Variants in GRIA1 observed in about 807,000 individuals in gnomAD.
GRIA1 encodes glutamate receptor 1.
A neutral mutation model predicts 99.2 loss-of-function variants in GRIA1; 31 were observed. The observed-to-expected ratio is 0.31, with a 90% CI of 0.23 to 0.42. The LOEUF is 0.42. Ranked by LOEUF, GRIA1 falls within the 10% of genes least tolerant of loss-of-function variation. The pLI is 1.00. For synonymous variants in GRIA1, 438 were observed against 432.4 expected (o/e 1.01, Z -0.16); for missense variants, 782 against 1,157.5 (o/e 0.68, Z 4.71).
rs759211687 is a variant in GRIA1 at position 153,698,847 on chromosome 5, T to G, written c.1246-20T>G. The G allele has an allele frequency of 4.6e-6, 7 of 1,534,970 alleles. No individual in the cohort carries two copies. The highest frequency in any genetic ancestry group is 6.3e-6 in the Non-Finnish European group (7 of 1,107,816). ...TGAACCCATAACCCACATTCTGCTATCTCCCCATTTCTCTTCCAGGAAGAT... is the reference window on the plus strand; with the variant it reads ...TGAACCCATAACCCACATTCTGCTAGCTCCCCATTTCTCTTCCAGGAAGAT... On this transcript the variant is annotated intron_variant, in intron 9 of 15. Coordinates refer to ENST00000285900, the MANE Select transcript of GRIA1 (RefSeq NM_000827.4).
chr5:153,703,250 A>G (rs992451771), intron 10 of GRIA1, among the ~76,000 whole-genome samples: 2 of 152,192 alleles, frequency 1.3e-5, no homozygotes, highest in Admixed American at 1.3e-4. Flanking sequence ...TGAATGACCC[A>G]TGGCCAAATA....
intron 5 of GRIA1, among the ~76,000 whole-genome samples, chr5:153,656,383 T>TTATATATATATATATATATATATATA (rs60245651): frequency 1.3e-3 from 117 of 92,480 alleles, no homozygotes; most frequent in Middle Eastern, 5.4e-3. Flanking sequence ...ATAAGTTTGT[T>TTATATATATATATATATATATATATA]TATATATATA....
Position 153,564,697 on chromosome 5 carries a change from C to T in GRIA1, c.220+70632C>T, listed in dbSNP as rs570407192. 3.3e-5 allele frequency among the ~76,000 whole-genome samples: 5 copies of T among 152,108 alleles called. No homozygotes were observed. The South Asian group carries it at 1.0e-3, about 32-fold the overall frequency. The stretch of plus-strand genomic sequence containing the variant: ...CTAGATAAAGTCATGGCAGAGACCA[C>T]TCATGGAAAGCTATGTCAACAATGG... On this transcript the variant is annotated intron_variant, in intron 2 of 15. Coordinates refer to ENST00000285900, the MANE Select transcript of GRIA1 (RefSeq NM_000827.4).
chr5:153,677,466 T>G (rs893766485), intron 7 of GRIA1, among the ~76,000 whole-genome samples: 4 of 152,238 alleles, frequency 2.6e-5, no homozygotes, highest in African/African-American at 9.6e-5. Context: ...AGGATGAAAC[T>G]GAACCATGTT....
At chr5:153,520,708 C>A (rs1757058310) in intron 2 of GRIA1, among the ~76,000 whole-genome samples, 1 of 152,140 alleles carries the variant, frequency 6.6e-6, no homozygotes, top group Non-Finnish European at 1.5e-5. Context: ...ACCTATTCAA[C>A]CTTCTGCTTC....
At chr5:153,778,699 A>T (rs1351660690) in intron 13 of GRIA1, among the ~76,000 whole-genome samples, 1 of 151,976 alleles carries the variant, frequency 6.6e-6, no homozygotes, top group Non-Finnish European at 1.5e-5. Flanking sequence ...ACACGCACAC[A>T]CACAAATAGC....
intron 5 of GRIA1, among the ~76,000 whole-genome samples, chr5:153,673,238 T>G (rs1011760423): frequency 9.8e-5 from 15 of 152,308 alleles, no homozygotes; most frequent in African/African-American, 3.1e-4. Context: ...ATCACTTCAC[T>G]CAGGTCCCTA....
intron 7 of GRIA1, among the ~76,000 whole-genome samples, chr5:153,681,255 G>T (rs1368637080): frequency 5.9e-5 from 9 of 152,126 alleles, no homozygotes; most frequent in Non-Finnish European, 1.5e-5. Context: ...TCATTACCAT[G>T]GGGAGGGCGC....
At chr5:153,561,539 A>G (rs1233875816) in intron 2 of GRIA1, among the ~76,000 whole-genome samples, 2 of 152,208 alleles carry the variant, frequency 1.3e-5, no homozygotes, top group Middle Eastern at 3.2e-3. Flanking sequence ...CCGTCCATGT[A>G]ACTGCTAGTT....
intron 2 of GRIA1, among the ~76,000 whole-genome samples, chr5:153,606,768 A>G (rs1048611930): frequency 6.6e-6 from 1 of 151,690 alleles, no homozygotes; most frequent in South Asian, 2.1e-4. Context: ...TTTTTTCTAC[A>G]GTTTTTCTTT....
intron 2 of GRIA1, among the ~76,000 whole-genome samples, chr5:153,590,836 T>C (rs1337666682): frequency 2.0e-5 from 3 of 152,214 alleles, no homozygotes; most frequent in African/African-American, 7.2e-5. Context: ...TTGTTCTTGT[T>C]TAGGATGTGT....
Position 153,698,099 on chromosome 5 carries a change from C to G in GRIA1, c.1190C>G (p.Ala397Gly), listed in dbSNP as rs1420009708. The change falls in exon 9 of 16, where the codon GCT (alanine) becomes GGT (glycine). Residue 397 changes from alanine (A) to glycine (G), a missense_variant. This residue lies in a region of GRIA1 where 461 missense variants were observed against 521.7 expected (regional missense o/e 0.88). Transcript: ENST00000285900. The stretch of plus-strand genomic sequence containing the variant: ...GTCCCTGCAGCCACCGATGCCCAAG[C>G]TGGGGGCGATAATTCAAGTGTTCAG... ...KFVPAATDAQ[A>G]GGDNSSVQNR... The G allele has an allele frequency of 6.2e-7, 1 of 1,611,632 alleles. No homozygotes were observed. Among genetic ancestry groups the G allele is most frequent in the South Asian group, 1.1e-5 (1 of 91,028 alleles).
intron 2 of GRIA1, among the ~76,000 whole-genome samples, chr5:153,507,985 C>T (rs959174109): frequency 3.3e-5 from 5 of 152,224 alleles, no homozygotes; most frequent in Non-Finnish European, 5.9e-5. Context: ...AGCACCCACT[C>T]TCTACTAAAC....
At chr5:153,645,179 A>T (rs1754056786) in intron 2 of GRIA1, among the ~76,000 whole-genome samples, 1 of 152,258 alleles carries the variant, frequency 6.6e-6, no homozygotes, top group Non-Finnish European at 1.5e-5. Flanking sequence ...AGGGCTATAG[A>T]GTGGGTCAAG....
intron 15 of GRIA1, among the ~76,000 whole-genome samples, chr5:153,804,728 A>ATTTATTT (rs1766303818): frequency 7.3e-6 from 1 of 136,104 alleles, no homozygotes; most frequent in African/African-American, 2.7e-5. Flanking sequence ...TTAATTAATT[A>ATTTATTT]ATTAATTTAT....
chr5:153,677,752 A>G lies in GRIA1; in HGVS notation c.1029+591A>G, dbSNP rs148193805. ...GAATCCAGATACAACAGAGAGAAGC[A>G]TAAATATTCAATTAGTGATATGTCT... On this transcript the variant is annotated intron_variant, in intron 7 of 15. Transcript: ENST00000285900. 8.5e-5 allele frequency among the ~76,000 whole-genome samples: 13 copies of G among 152,380 alleles called. No homozygotes were observed. In the East Asian group the frequency reaches 2.5e-3, roughly 29 times the overall value.
chr5:153,521,890 T>A (rs916128282), intron 2 of GRIA1, among the ~76,000 whole-genome samples: 2 of 152,218 alleles, frequency 1.3e-5, no homozygotes, highest in Non-Finnish European at 1.5e-5. Flanking sequence ...TGCAATGACA[T>A]GTTTTATAGA....
intron 8 of GRIA1, among the ~76,000 whole-genome samples, chr5:153,688,020 C>A (rs547584864): frequency 6.6e-6 from 1 of 152,308 alleles, no homozygotes; most frequent in South Asian, 2.1e-4. Flanking sequence ...TTTCCAGTTT[C>A]TTAAAGGCCA....
chr5:153,798,859 A>T (rs1026507829), intron 14 of GRIA1, among the ~76,000 whole-genome samples: 1 of 152,064 alleles, frequency 6.6e-6, no homozygotes, highest in Admixed American at 6.5e-5. Flanking sequence ...ATAGGGGGGG[A>T]AATCTCCTTT....
Sources: allele counts gnomAD v4.1 joint callset (sites outside exome capture counted in the v4.1 genomes callset), GRCh38; gene constraint gnomAD v4.1.1; regional missense constraint gnomAD v4.1.1; transcripts MANE v1.5; gene names NCBI Gene and HGNC (gene_info 2026-07-23, HGNC 2026-07-21).